Variants in GRID1 observed in about 807,000 individuals in gnomAD.
GRID1 encodes the protein glutamate ionotropic receptor delta type subunit 1.
A neutral mutation model predicts 98.0 loss-of-function variants in GRID1; 28 were observed. That is an observed-to-expected ratio of 0.29 (90% CI 0.21 to 0.39). GRID1 has a LOEUF of 0.39. GRID1 is among the 10% of genes least tolerant of loss of function. The probability of loss-of-function intolerance (pLI) is 1.00; values close to 1 mark genes in which losing one functional copy is unlikely to be tolerated. For synonymous variants in GRID1, 553 were observed against 538.5 expected (o/e 1.03, Z -0.37); for missense variants, 1,111 against 1,340.5 (o/e 0.83, Z 2.67).
chr10:85,884,412 T>A (rs1421616588), intron 5 of GRID1, among the ~76,000 whole-genome samples: 1 of 152,190 alleles, frequency 6.6e-6, no homozygotes, highest in Non-Finnish European at 1.5e-5. Flanking sequence ...ATTTGTTTCA[T>A]TTGGCTGTCT....
At chr10:85,699,623 C>A (rs72841460) in intron 12 of GRID1, among the ~76,000 whole-genome samples, 8 of 152,180 alleles carry the variant, frequency 5.3e-5, no homozygotes, top group Non-Finnish European at 1.2e-4. Flanking sequence ...AATAATAATA[C>A]AAAATTAAAA....
intron 2 of GRID1, among the ~76,000 whole-genome samples, chr10:86,240,778 T>C (rs954090126): frequency 3.9e-5 from 6 of 152,298 alleles, no homozygotes; most frequent in African/African-American, 1.4e-4. Flanking sequence ...TTTCCAGCCA[T>C]GGCATCAATG....
intron 4 of GRID1, among the ~76,000 whole-genome samples, chr10:86,132,535 T>C (rs890692970): frequency 1.3e-5 from 2 of 152,172 alleles, no homozygotes; most frequent in Admixed American, 6.5e-5. Context: ...CAAAAATTAA[T>C]CTCCTATAAT....
chr10:86,060,441 C>T (rs886230497), intron 4 of GRID1, among the ~76,000 whole-genome samples: 1 of 152,204 alleles, frequency 6.6e-6, no homozygotes, highest in Non-Finnish European at 1.5e-5. Flanking sequence ...CCAGAGCACC[C>T]AATGTGGGCA....
At chr10:85,636,133 C>T (rs1002412079) in intron 13 of GRID1, among the ~76,000 whole-genome samples, 2 of 152,166 alleles carry the variant, frequency 1.3e-5, no homozygotes, top group African/African-American at 4.8e-5. Context: ...AAATTAATCT[C>T]CTGATTGTCC....
intron 2 of GRID1, among the ~76,000 whole-genome samples, chr10:86,332,372 G>A (rs887385481): frequency 6.6e-6 from 1 of 152,130 alleles, no homozygotes. Flanking sequence ...CATGAGGTAT[G>A]AAGGGTCCAA....
intron 2 of GRID1, among the ~76,000 whole-genome samples, chr10:86,277,407 A>G (rs1248254048): frequency 6.6e-6 from 1 of 152,208 alleles, no homozygotes; most frequent in African/African-American, 2.4e-5. Context: ...TGCAAAGGTA[A>G]CTACACGGGC....
chr10:85,903,550 T>G (rs1008269104), intron 5 of GRID1, among the ~76,000 whole-genome samples: 2 of 152,182 alleles, frequency 1.3e-5, no homozygotes, highest in East Asian at 3.9e-4. Context: ...TTAAGGCAGC[T>G]ACCAGGGTAT....
chr10:86,212,869 T>A (rs1315154115), intron 2 of GRID1, among the ~76,000 whole-genome samples: 9 of 152,204 alleles, frequency 5.9e-5, no homozygotes, highest in Non-Finnish European at 1.5e-5. Context: ...CATCTTTTAT[T>A]AAGACATTTA....
intron 4 of GRID1, among the ~76,000 whole-genome samples, chr10:86,049,485 G>A (rs1021761782): frequency 1.3e-5 from 2 of 152,230 alleles, no homozygotes; most frequent in Admixed American, 1.3e-4. Flanking sequence ...GCCTGATTGT[G>A]AGATTGGGGG....
intron 4 of GRID1, among the ~76,000 whole-genome samples, chr10:85,985,259 G>A (rs1387018204): frequency 6.6e-6 from 1 of 152,266 alleles, no homozygotes; most frequent in African/African-American, 2.4e-5. Context: ...TCATTGACTT[G>A]CCCAACGTCA....
intron 2 of GRID1, among the ~76,000 whole-genome samples, chr10:86,310,562 A>G (rs539304336): frequency 6.6e-6 from 1 of 152,280 alleles, no homozygotes; most frequent in South Asian, 2.1e-4. Flanking sequence ...GCCCTTGCTG[A>G]GGAGCAGGTA....
At chr10:85,717,766 C>T (rs1564568960) in intron 12 of GRID1, among the ~76,000 whole-genome samples, 1 of 152,154 alleles carries the variant, frequency 6.6e-6, no homozygotes, top group East Asian at 1.9e-4. Flanking sequence ...AAGTCCCTTC[C>T]ACTCATGAGC....
chr10:86,174,334 G>T (rs1014382452), intron 3 of GRID1, among the ~76,000 whole-genome samples: 4 of 152,102 alleles, frequency 2.6e-5, no homozygotes, highest in Non-Finnish European at 4.4e-5. Flanking sequence ...CAGAAATAAC[G>T]CCACATATCT....
At chr10:86,034,210 G>A (rs1411921854) in intron 4 of GRID1, among the ~76,000 whole-genome samples, 1 of 152,148 alleles carries the variant, frequency 6.6e-6, no homozygotes, top group Non-Finnish European at 1.5e-5. Context: ...CAGAAAAAGG[G>A]AGAAATTTAA....
chr10:86,034,808 G>A (rs1032552038), intron 4 of GRID1, among the ~76,000 whole-genome samples: 1 of 152,118 alleles, frequency 6.6e-6, no homozygotes. Flanking sequence ...ACAGATGTAT[G>A]ATGGATGGAT....
chr10:85,995,773 T>C (rs1049618176), intron 4 of GRID1, among the ~76,000 whole-genome samples: 1 of 152,226 alleles, frequency 6.6e-6, no homozygotes, highest in African/African-American at 2.4e-5. Flanking sequence ...CCACAGCTGA[T>C]TGGAGAACCA....
chr10:86,193,493 G>T (rs1467412097), intron 3 of GRID1, among the ~76,000 whole-genome samples: 3 of 152,010 alleles, frequency 2.0e-5, no homozygotes, highest in Non-Finnish European at 4.4e-5. Context: ...TCTATCTCAT[G>T]ATGGCCAATC....
intron 12 of GRID1, among the ~76,000 whole-genome samples, chr10:85,711,706 T>C (rs973081513): frequency 6.6e-6 from 1 of 151,820 alleles, no homozygotes; most frequent in Admixed American, 6.6e-5. Flanking sequence ...CCTAAAGTTG[T>C]TCTTAAAACT....
Sources: allele counts gnomAD v4.1 joint callset (sites outside exome capture counted in the v4.1 genomes callset), GRCh38; gene constraint gnomAD v4.1.1; transcripts MANE v1.5; gene names NCBI Gene and HGNC (gene_info 2026-07-23, HGNC 2026-07-21).